Variants in KIAA1958 observed in about 807,000 individuals in gnomAD.
KIAA1958 encodes KIAA1958, also known as uncharacterized protein KIAA1958.
In KIAA1958, 14 loss-of-function variants were observed where a neutral mutation model predicts 47.2. That is an observed-to-expected ratio of 0.30 (90% confidence interval 0.20 to 0.46). The LOEUF (loss-of-function observed/expected upper bound fraction) is 0.46. Ranked by LOEUF, KIAA1958 falls within the 20% of genes least tolerant of loss-of-function variation. The pLI is 1.00. For missense variants in KIAA1958, 803 were observed against 909.2 expected (o/e 0.88, Z 1.50); for synonymous variants, 354 against 353.3 (o/e 1.00, Z -0.02).
chr9:112,585,615 G>C (rs1835811236), intron 2 of KIAA1958, among the ~76,000 whole-genome samples: 2 of 152,300 alleles, frequency 1.3e-5, no homozygotes, highest in Admixed American at 1.3e-4. Flanking sequence ...CTGTTTTATA[G>C]GGTGACAGTA....
intron 1 of KIAA1958, among the ~76,000 whole-genome samples, chr9:112,558,890 TAACACTTTGGGTAC>T (rs1039445098): frequency 2.6e-5 from 4 of 152,208 alleles, no homozygotes; most frequent in Non-Finnish European, 5.9e-5. Context: ...GTATATTATA[TAACACTTTGGGTAC>T]AACACTTTGG....
intron 1 of KIAA1958, among the ~76,000 whole-genome samples, chr9:112,537,073 C>T (rs1834866870): frequency 6.6e-6 from 1 of 151,168 alleles, no homozygotes; most frequent in South Asian, 2.1e-4. Flanking sequence ...TCCTCCCCTC[C>T]CCTCCCCTCC....
At chr9:112,635,214 TTG>T (rs71999105) in intron 2 of KIAA1958, among the ~76,000 whole-genome samples, 11,160 of 130,112 alleles carry the variant, frequency 0.086, 493 homozygotes, top group East Asian at 0.12. Flanking sequence ...ATTCTTTATT[TTG>T]TGTGTGTGTG....
chr9:112,543,492 G>A (rs1211991943), intron 1 of KIAA1958, among the ~76,000 whole-genome samples: 1 of 151,418 alleles, frequency 6.6e-6, no homozygotes. Context: ...GTTTTCTGAG[G>A]TTTGTACAAA....
intron 1 of KIAA1958, among the ~76,000 whole-genome samples, chr9:112,513,121 C>A (rs1247480669): frequency 6.7e-6 from 1 of 149,618 alleles, no homozygotes; most frequent in African/African-American, 2.5e-5. Flanking sequence ...TCTCCTGCTT[C>A]AGCCTCCAGA....
intron 2 of KIAA1958, among the ~76,000 whole-genome samples, chr9:112,612,456 T>G (rs1836342895): frequency 2.0e-5 from 3 of 152,042 alleles, no homozygotes; most frequent in Admixed American, 2.0e-4. Flanking sequence ...ATATAAATAT[T>G]CTTAAATATA....
rs1410392674 is a variant in KIAA1958, at chr9:112,665,836, A to G, written c.*5767A>G. 1 of 152,158 alleles carries G rather than the reference A, an allele frequency of 6.6e-6. No homozygotes were observed. Among genetic ancestry groups the G allele is most frequent in the Non-Finnish European group, 1.5e-5 (1 of 68,022 alleles). 9.4% of individuals were successfully genotyped at this position (152,158 alleles called of 1,614,324 possible). A position where few individuals can be genotyped will look rare whatever the true frequency, so the allele number is the denominator to read the frequency against. On this transcript the variant is annotated 3_prime_UTR_variant, in exon 4 of 4. Coordinates refer to ENST00000337530, the MANE Select transcript of KIAA1958 (RefSeq NM_133465.4). ...TAATGAAAGTTAGTTTACAAGCTGC[A>G]CCTGTTTTGACATTGGACTCACTGC...
chr9:112,605,679 C>T (rs1294117233), intron 2 of KIAA1958, among the ~76,000 whole-genome samples: 1 of 152,182 alleles, frequency 6.6e-6, no homozygotes, highest in Non-Finnish European at 1.5e-5. Context: ...CATTCTTGCT[C>T]TTAGTCACTT....
At chr9:112,562,148 A>G (rs1473594364) in intron 1 of KIAA1958, among the ~76,000 whole-genome samples, 4 of 152,162 alleles carry the variant, frequency 2.6e-5, no homozygotes, top group Non-Finnish European at 5.9e-5. Context: ...TATATTGTGT[A>G]TTATTCTCTG....
At chr9:112,608,912 C>T (rs773509417) in intron 2 of KIAA1958, among the ~76,000 whole-genome samples, 5 of 152,132 alleles carry the variant, frequency 3.3e-5, no homozygotes, top group Non-Finnish European at 7.4e-5. Context: ...TGATATGATG[C>T]AAAGTTATAA....
chr9:112,505,558 C>G (rs1026977096), intron 1 of KIAA1958, among the ~76,000 whole-genome samples: 7 of 152,150 alleles, frequency 4.6e-5, no homozygotes, highest in Non-Finnish European at 1.0e-4. Context: ...CTATATGTCT[C>G]TATTTTGACT....
At chr9:112,534,268 C>T (rs1434301153) in intron 1 of KIAA1958, among the ~76,000 whole-genome samples, 3 of 152,298 alleles carry the variant, frequency 2.0e-5, no homozygotes, top group Admixed American at 6.5e-5. Context: ...AGGAGCCTAG[C>T]GTCTAGCAGA....
intron 1 of KIAA1958, among the ~76,000 whole-genome samples, chr9:112,559,934 A>G (rs1297587159): frequency 2.0e-5 from 3 of 152,208 alleles, no homozygotes; most frequent in Admixed American, 6.5e-5. Context: ...TGCCATTGCA[A>G]TTCATTTTAA....
chr9:112,559,141 C>T (rs1346876175), intron 1 of KIAA1958, among the ~76,000 whole-genome samples: 3 of 152,132 alleles, frequency 2.0e-5, no homozygotes, highest in African/African-American at 7.2e-5. Flanking sequence ...GGTTCTTCTA[C>T]GTAGACATGT....
At chr9:112,645,518 A>G (rs1362734174) in intron 2 of KIAA1958, 132 bp from the exon 3 acceptor site, 3 of 613,922 alleles carry the variant, frequency 4.9e-6, no homozygotes, top group Non-Finnish European at 8.5e-6. Context: ...AGATATACAT[A>G]TACTTTAATA....
At chr9:112,554,786 G>A (rs1835213716) in intron 1 of KIAA1958, among the ~76,000 whole-genome samples, 1 of 152,044 alleles carries the variant, frequency 6.6e-6, no homozygotes, top group East Asian at 1.9e-4. Context: ...ACCCTGGGCA[G>A]TTTCATTGCA....
intron 2 of KIAA1958, among the ~76,000 whole-genome samples, chr9:112,579,234 T>C (rs1482828348): frequency 6.6e-6 from 1 of 152,092 alleles, no homozygotes; most frequent in Admixed American, 6.6e-5. Context: ...TGAATTTTCT[T>C]AATTTTTATG....
intron 1 of KIAA1958, among the ~76,000 whole-genome samples, chr9:112,500,975 G>A (rs893897737): frequency 2.6e-5 from 4 of 151,730 alleles, no homozygotes; most frequent in Non-Finnish European, 5.9e-5. Context: ...GCCCGGCATG[G>A]TTGCATGCAC....
At chr9:112,607,574 A>C (rs1354005877) in intron 2 of KIAA1958, among the ~76,000 whole-genome samples, 3 of 152,072 alleles carry the variant, frequency 2.0e-5, no homozygotes, top group African/African-American at 7.2e-5. Context: ...GCCAACTTTG[A>C]GGGAAGTGGT....
Sources: allele counts gnomAD v4.1 joint callset (sites outside exome capture counted in the v4.1 genomes callset), GRCh38; gene constraint gnomAD v4.1.1; transcripts MANE v1.5; gene names NCBI Gene and HGNC (gene_info 2026-07-23, HGNC 2026-07-21).